DENND2C: variants seen among roughly 807,000 people sequenced by gnomAD.
The protein encoded by DENND2C is DENN domain containing 2C, also known as DENN domain-containing protein 2C.
DENND2C carries 72 observed loss-of-function variants against 112.4 expected under a neutral mutation model. The ratio of observed to expected loss-of-function variants is 0.64; its 90% confidence interval spans 0.53 to 0.78. The LOEUF (loss-of-function observed/expected upper bound fraction) is 0.78, where lower values mean the gene tolerates loss of function less well. DENND2C is among the 30% of genes least tolerant of loss of function. The pLI is 0.00. For missense variants in DENND2C, 992 were observed against 1,113.8 expected, an observed-to-expected ratio of 0.89 and a Z score of 1.56; for synonymous variants, 329 against 381.6, an observed-to-expected ratio of 0.86 and a Z score of 1.61.
intron 1 of DENND2C, among the ~76,000 whole-genome samples, chr1:114,665,659 T>C (rs1219769832): frequency 6.6e-6 from 1 of 152,188 alleles, no homozygotes; most frequent in Non-Finnish European, 1.5e-5. Context: ...CTGGAATAAA[T>C]GAGTGACTTC....
chr1:114,587,494 T>C, intron 19 of DENND2C, 21 bp from the exon 20 acceptor site: 1 of 1,613,250 alleles, frequency 6.2e-7, no homozygotes, highest in East Asian at 2.2e-5. Context: ...AAACTCATGT[T>C]GGTGAAACTG....
chr1:114,633,522 A>T (rs1263311124), intron 3 of DENND2C, among the ~76,000 whole-genome samples: 6 of 151,584 alleles, frequency 4.0e-5, no homozygotes, highest in African/African-American at 1.5e-4. Flanking sequence ...AAATCACTTT[A>T]TATATGATAT....
chr1:114,661,987 T>G (rs1362922911), intron 1 of DENND2C, among the ~76,000 whole-genome samples: 1 of 150,932 alleles, frequency 6.6e-6, no homozygotes, highest in Admixed American at 6.6e-5. Context: ...AACTATACAT[T>G]GATAGCTATC....
intron 3 of DENND2C, among the ~76,000 whole-genome samples, chr1:114,633,468 AGAAGGAAGGAAGGAAGGAAT>A (rs1412170583): frequency 1.3e-5 from 2 of 149,206 alleles, no homozygotes; most frequent in African/African-American, 2.5e-5. Context: ...AAAAAGAAAA[AGAAGGAAGGAAGGAAGGAAT>A]GAAGGAAGGA....
intron 16 of DENND2C, among the ~76,000 whole-genome samples, chr1:114,597,592 G>A (rs1035629732): frequency 6.6e-6 from 1 of 152,028 alleles, no homozygotes; most frequent in Non-Finnish European, 1.5e-5. Flanking sequence ...GACCAGCCTG[G>A]CCAACATCGT....
Position 114,599,332 on chromosome 1 carries a change from A to T in DENND2C, c.2225T>A (p.Phe742Tyr). Residue 742 changes from phenylalanine to tyrosine, a missense_variant, in exon 16 of 21, where the codon TTC (phenylalanine) becomes TAC (tyrosine). Phe to Tyr is a conservative substitution (Grantham distance 22, BLOSUM62 3). Around this residue, in one of 3 missense-constraint regions of DENND2C, gnomAD observed 516 missense variants for 623.6 expected, o/e 0.83. Transcript: ENST00000393274. ...GGAGCAAGACAGGATTCCAATAAGGAATGGTGTAGGTGAGCACACGATGTC... is the reference window on the plus strand; with the variant it reads ...GGAGCAAGACAGGATTCCAATAAGGTATGGTGTAGGTGAGCACACGATGTC... ...MIDIVCSPTP[F>Y]LIGILSCSLP... 1 of 1,614,078 alleles carries T rather than the reference A, an allele frequency of 6.2e-7. No individual in the cohort carries two copies. Among genetic ancestry groups the T allele is most frequent in the South Asian group, 1.1e-5 (1 of 91,076 alleles).
At chr1:114,609,641 G>C (rs1655756921) in intron 9 of DENND2C, among the ~76,000 whole-genome samples, 1 of 152,180 alleles carries the variant, frequency 6.6e-6, no homozygotes. Context: ...GAAGGAAACT[G>C]TGGACTTGCA....
intron 3 of DENND2C, among the ~76,000 whole-genome samples, chr1:114,641,273 AAAAAG>A (rs1191773182): frequency 1.3e-5 from 2 of 151,802 alleles, no homozygotes; most frequent in Non-Finnish European, 2.9e-5. Flanking sequence ...AAAAAAAAAA[AAAAAG>A]AAAAGAAAAA....
chr1:114,619,613 T>C lies in DENND2C; in HGVS notation c.1228-1131A>G, dbSNP rs1287829702. 3.9e-5 allele frequency among the ~76,000 whole-genome samples: 6 copies of C among 152,120 alleles called. No homozygotes were observed. The East Asian group carries it at 5.8e-4, about 15-fold the overall frequency. On this transcript the variant is annotated intron_variant, in intron 7 of 20. Transcript: ENST00000393274. ...TGGATGAGTTTGTGCTCTTAAAGAT[T>C]TTTATCACTGCAATTCAAGTGAAAA... is the stretch of plus-strand genomic sequence containing the variant.
At chr1:114,645,768 T>C (rs1429319316) in intron 2 of DENND2C, among the ~76,000 whole-genome samples, 1 of 152,178 alleles carries the variant, frequency 6.6e-6, no homozygotes, top group African/African-American at 2.4e-5. Flanking sequence ...AACTGAACAT[T>C]TAAAAATTTT....
chr1:114,585,456 A>C lies in DENND2C; in HGVS notation c.*144T>G. The C allele has an allele frequency of 1.3e-6, 1 of 788,974 alleles. No individual in the cohort carries two copies. The highest frequency in any genetic ancestry group is 2.6e-5 in the East Asian group (1 of 37,950). The allele number at this position is 788,974 out of a possible 1,614,324, so 48.9% of individuals were successfully genotyped here. A position where few individuals can be genotyped will look rare whatever the true frequency, so the allele number is the denominator to read the frequency against. ...TGATTACTACAGCAGCAACAGGAGA[A>C]TCCTCCTCTAACAGCCTGACTCGCT... is the stretch of plus-strand genomic sequence containing the variant. On this transcript the variant is annotated 3_prime_UTR_variant, in exon 21 of 21. Coordinates refer to ENST00000393274, the MANE Select transcript of DENND2C (RefSeq NM_001256404.2).
chr1:114,651,276 T>TACACACACACAC lies in DENND2C; in HGVS notation c.-317+3217_-317+3228dup, dbSNP rs57202953. 1.1e-3 allele frequency among the ~76,000 whole-genome samples: 153 copies of TACACACACACAC among 139,358 alleles called. 2 individuals are homozygous for TACACACACACAC. Among genetic ancestry groups the TACACACACACAC allele is most frequent in the African/African-American group, 3.6e-3 (133 of 36,652 alleles). The allele number at this position is 139,358 out of a possible 152,430, so 91.4% of individuals were successfully genotyped here. On this transcript the variant is annotated intron_variant, in intron 2 of 20. Coordinates refer to ENST00000393274, the MANE Select transcript of DENND2C (RefSeq NM_001256404.2). Reference sequence around the variant, plus strand: ...AACACAGTGAGACCTTCCCTACACATACACACACACACACACACACACACA... The same window carrying TACACACACACAC: ...AACACAGTGAGACCTTCCCTACACATACACACACACACACACACACACACACACACACACACA...
At chr1:114,640,722 G>A (rs559205604) in intron 3 of DENND2C, among the ~76,000 whole-genome samples, 17 of 152,296 alleles carry the variant, frequency 1.1e-4, no homozygotes, top group Middle Eastern at 3.4e-3. Flanking sequence ...TCGGAAACCC[G>A]AAGGCTTTTA....
intron 7 of DENND2C, among the ~76,000 whole-genome samples, chr1:114,621,243 C>T (rs1329735679): frequency 1.3e-5 from 2 of 151,910 alleles, no homozygotes; most frequent in African/African-American, 4.8e-5. Flanking sequence ...GGCAATATAG[C>T]GAGACTCTGT....
chr1:114,649,477 C>A (rs1657096833), intron 2 of DENND2C, among the ~76,000 whole-genome samples: 1 of 151,406 alleles, frequency 6.6e-6, no homozygotes, highest in Admixed American at 6.6e-5. Flanking sequence ...TGGGCTCAAG[C>A]AATTCTCCTG....
intron 12 of DENND2C, 78 bp from the exon 13 acceptor site, chr1:114,601,663 T>G: frequency 7.9e-7 from 1 of 1,272,608 alleles, no homozygotes; most frequent in Non-Finnish European, 1.1e-6. Flanking sequence ...CTATTAATTA[T>G]CTTTTACTAC....
At chr1:114,622,610 T>G (rs566825176) in intron 6 of DENND2C, among the ~76,000 whole-genome samples, 1 of 152,240 alleles carries the variant, frequency 6.6e-6, no homozygotes, top group East Asian at 1.9e-4. Flanking sequence ...AAACAATGGC[T>G]CACAGTTTTC....
chr1:114,627,824 G>A (rs1437854395), intron 3 of DENND2C, among the ~76,000 whole-genome samples: 5 of 152,018 alleles, frequency 3.3e-5, no homozygotes, highest in Non-Finnish European at 7.4e-5. Flanking sequence ...TGAGACTCAG[G>A]TTTTCTTCAC....
At chr1:114,642,521 G>C (rs1182801318) in intron 3 of DENND2C, among the ~76,000 whole-genome samples, 1 of 152,184 alleles carries the variant, frequency 6.6e-6, no homozygotes. Flanking sequence ...TTCTAAGCTT[G>C]TTTTCTTATC....
Sources: allele counts gnomAD v4.1 joint callset (sites outside exome capture counted in the v4.1 genomes callset), GRCh38; gene constraint gnomAD v4.1.1; regional missense constraint gnomAD v4.1.1; transcripts MANE v1.5; gene names NCBI Gene and HGNC (gene_info 2026-07-23, HGNC 2026-07-21).